Variants in BMPR1B observed in about 807,000 individuals in gnomAD.
The protein encoded by BMPR1B is bone morphogenetic protein receptor type-1B.
A neutral mutation model predicts 59.1 loss-of-function variants in BMPR1B; 12 were observed. The observed-to-expected ratio is 0.20, with a 90% CI of 0.13 to 0.33. The LOEUF (loss-of-function observed/expected upper bound fraction) is 0.33. Ranked by LOEUF, BMPR1B falls within the 10% of genes least tolerant of loss-of-function variation. BMPR1B has a pLI of 1.00. For synonymous variants in BMPR1B, 237 were observed against 207.3 expected (o/e 1.14, Z -1.23); for missense variants, 550 against 610.9 (o/e 0.90, Z 1.05).
chr4:95,046,841 C>T (rs530999518), intron 3 of BMPR1B, among the ~76,000 whole-genome samples: 1 of 152,286 alleles, frequency 6.6e-6, no homozygotes, highest in African/African-American at 2.4e-5. Context: ...ACGCCTCAGA[C>T]ATAAACCATT....
At chr4:94,762,003 A>G (rs531906742) in intron 1 of BMPR1B, among the ~76,000 whole-genome samples, 1 of 152,300 alleles carries the variant, frequency 6.6e-6, no homozygotes, top group East Asian at 1.9e-4. Flanking sequence ...AGAAGCCAAG[A>G]TTTAGGAGTA....
intron 4 of BMPR1B, among the ~76,000 whole-genome samples, chr4:95,111,112 G>A (rs535321458): frequency 6.6e-6 from 1 of 152,236 alleles, no homozygotes; most frequent in South Asian, 2.1e-4. Flanking sequence ...AAGAGTTGTT[G>A]TAGGAAAACT....
intron 2 of BMPR1B, among the ~76,000 whole-genome samples, chr4:94,989,742 TATTA>T (rs1469370961): frequency 2.0e-5 from 3 of 152,232 alleles, no homozygotes; most frequent in Admixed American, 6.5e-5. Context: ...TTCATTTATT[TATTA>T]GTTTATTTAT....
At chr4:94,842,170 G>A (rs6857888) in intron 1 of BMPR1B, among the ~76,000 whole-genome samples, 93,419 of 152,016 alleles carry the variant, frequency 0.61, 29,697 homozygotes, top group African/African-American at 0.78. Flanking sequence ...TTAACTTTAC[G>A]TTATATTTCC....
chr4:94,953,425 T>A (rs1730023839), intron 2 of BMPR1B, among the ~76,000 whole-genome samples: 1 of 152,212 alleles, frequency 6.6e-6, no homozygotes, highest in Admixed American at 6.5e-5. Context: ...TATTTACTGC[T>A]TCCTTCAGGA....
chr4:94,971,691 A>G (rs1279986451), intron 2 of BMPR1B, among the ~76,000 whole-genome samples: 5 of 151,886 alleles, frequency 3.3e-5, no homozygotes, highest in African/African-American at 7.2e-5. Context: ...CTTTTTAAGC[A>G]TCTAGTATCT....
intron 3 of BMPR1B, among the ~76,000 whole-genome samples, chr4:95,050,790 A>G (rs1726443463): frequency 6.6e-6 from 1 of 152,220 alleles, no homozygotes; most frequent in South Asian, 2.1e-4. Context: ...TAGTTTCTAC[A>G]TATACTGACA....
chr4:95,028,123 G>A (rs995299764), intron 3 of BMPR1B, among the ~76,000 whole-genome samples: 3 of 152,176 alleles, frequency 2.0e-5, no homozygotes, highest in African/African-American at 7.2e-5. Flanking sequence ...GCTCATGCTG[G>A]AATTAACTGG....
intron 10 of BMPR1B, among the ~76,000 whole-genome samples, chr4:95,142,841 T>C (rs1579155241): frequency 6.6e-6 from 1 of 151,862 alleles, no homozygotes; most frequent in South Asian, 2.1e-4. Context: ...CATAACACTT[T>C]TAGCCAGAAT....
intron 3 of BMPR1B, among the ~76,000 whole-genome samples, chr4:95,069,955 C>T (rs930520106): frequency 1.3e-5 from 2 of 152,022 alleles, no homozygotes; most frequent in Admixed American, 6.6e-5. Context: ...CAAAATTAGC[C>T]GGGCATGGTG....
intron 3 of BMPR1B, among the ~76,000 whole-genome samples, chr4:95,090,716 G>A (rs978423622): frequency 6.6e-6 from 1 of 151,950 alleles, no homozygotes; most frequent in East Asian, 1.9e-4. Flanking sequence ...ATTTGTGTAT[G>A]ACAAATATCT....
intron 3 of BMPR1B, among the ~76,000 whole-genome samples, chr4:95,034,656 T>C (rs981897252): frequency 2.6e-5 from 4 of 151,926 alleles, no homozygotes; most frequent in Non-Finnish European, 5.9e-5. Context: ...TATATATATA[T>C]ATGCTCCATG....
chr4:95,070,542 T>C (rs1210639361), intron 3 of BMPR1B, among the ~76,000 whole-genome samples: 1 of 152,178 alleles, frequency 6.6e-6, no homozygotes, highest in Non-Finnish European at 1.5e-5. Flanking sequence ...ACAAGACTTC[T>C]TAGTGTCACT....
At chr4:94,780,789 C>T (rs1463801465) in intron 1 of BMPR1B, among the ~76,000 whole-genome samples, 7 of 150,634 alleles carry the variant, frequency 4.6e-5, no homozygotes, top group Non-Finnish European at 8.9e-5. Context: ...CCCTTGTTCA[C>T]GCCATTCTCC....
chr4:95,063,750 T>A lies in BMPR1B; in HGVS notation c.-17-40658T>A, dbSNP rs556752417. Among the ~76,000 whole-genome samples the A allele has an allele frequency of 3.2e-3, 492 of 152,232 alleles. 2 individuals carry two copies. Among genetic ancestry groups the A allele is most frequent in the African/African-American group, 0.011 (454 of 41,546 alleles). ...CACCCCATACTCTTGAAAAACATGC[T>A]GTATGACATATAACTGGAAAGTATC... is the stretch of plus-strand genomic sequence containing the variant. On this transcript the variant is annotated intron_variant, in intron 3 of 12. Transcript: ENST00000515059.
At chr4:94,823,862 C>T (rs1724292750) in intron 1 of BMPR1B, among the ~76,000 whole-genome samples, 1 of 152,126 alleles carries the variant, frequency 6.6e-6, no homozygotes, top group African/African-American at 2.4e-5. Flanking sequence ...ACTCTCCTGC[C>T]TCAGCCTCCC....
At chr4:94,765,001 C>CG (rs1721916333) in intron 1 of BMPR1B, among the ~76,000 whole-genome samples, 1 of 151,992 alleles carries the variant, frequency 6.6e-6, no homozygotes, top group African/African-American at 2.4e-5. Flanking sequence ...TAGAGAGTAA[C>CG]GGGGGGACTA....
intron 3 of BMPR1B, among the ~76,000 whole-genome samples, chr4:95,000,225 C>T (rs1413733635): frequency 8.7e-6 from 1 of 115,416 alleles, no homozygotes; most frequent in Non-Finnish European, 1.8e-5. Flanking sequence ...TATGACTCTT[C>T]TGTTTGTTTA....
intron 2 of BMPR1B, among the ~76,000 whole-genome samples, chr4:94,953,337 T>A (rs1730019843): frequency 6.6e-6 from 1 of 152,210 alleles, no homozygotes; most frequent in African/African-American, 2.4e-5. Context: ...CATTAGTTGA[T>A]GCAGTTTCTT....
Sources: gnomAD v4.1 joint callset for allele counts (sites outside exome capture counted in the v4.1 genomes callset) on GRCh38, gnomAD v4.1.1 for gene constraint, MANE v1.5 for transcripts, NCBI Gene and HGNC (gene_info 2026-07-23, HGNC 2026-07-21) for gene names.